Variants in HLCS observed in about 807,000 individuals in gnomAD.
The protein encoded by HLCS is biotin--protein ligase.
In HLCS, 53 loss-of-function variants were observed where a neutral mutation model predicts 75.0. The ratio of observed to expected loss-of-function variants is 0.71; its 90% CI spans 0.57 to 0.89. The LOEUF is 0.89. HLCS is among the 40% of genes least tolerant of loss of function. The pLI is 0.00. For missense variants in HLCS, 966 were observed against 1,074.0 expected (o/e 0.90, Z 1.41); for synonymous variants, 431 against 428.6 (o/e 1.01, Z -0.07).
intron 6 of HLCS, among the ~76,000 whole-genome samples, chr21:36,838,012 G>A (rs2062473567): frequency 1.3e-5 from 2 of 152,012 alleles, no homozygotes; most frequent in Non-Finnish European, 2.9e-5. Flanking sequence ...TAAGTAAAAG[G>A]GAAATCCAGG....
chr21:36,802,185 GCCACAGGCCT>G (rs1399719448), intron 6 of HLCS, among the ~76,000 whole-genome samples: 3 of 152,268 alleles, frequency 2.0e-5, no homozygotes, highest in Admixed American at 6.5e-5. Context: ...GTGACTGAGG[GCCACAGGCCT>G]CTTGCAACTT....
At chr21:36,766,903 C>T (rs1352206972) in intron 7 of HLCS, among the ~76,000 whole-genome samples, 1 of 152,172 alleles carries the variant, frequency 6.6e-6, no homozygotes, top group African/African-American at 2.4e-5. Flanking sequence ...GGAAAATAAA[C>T]GTCTCTAGAG....
intron 6 of HLCS, among the ~76,000 whole-genome samples, chr21:36,823,645 G>GTGTGTGTGTGTGTA (rs1347977458): frequency 2.2e-4 from 34 of 151,418 alleles, no homozygotes; most frequent in African/African-American, 7.3e-4. Flanking sequence ...GTGTGTGTGT[G>GTGTGTGTGTGTGTA]TGTACACATG....
intron 6 of HLCS, among the ~76,000 whole-genome samples, chr21:36,810,717 G>GT (rs2061487522): frequency 6.6e-6 from 1 of 152,166 alleles, no homozygotes; most frequent in South Asian, 2.1e-4. Flanking sequence ...CCAGACCTTT[G>GT]TATCTAAATA....
upstream of HLCS, among the ~76,000 whole-genome samples, chr21:36,966,860 C>T (rs1224024795): frequency 1.4e-5 from 2 of 145,872 alleles, no homozygotes; most frequent in African/African-American, 5.1e-5. Flanking sequence ...TGATGGGGAG[C>T]TCCGGAGGCC....
At chr21:36,958,299 C>T (rs1014852958) in intron 2 of HLCS, among the ~76,000 whole-genome samples, 2 of 151,416 alleles carry the variant, frequency 1.3e-5, no homozygotes, top group African/African-American at 4.8e-5. Flanking sequence ...TTCACCAAAA[C>T]CGTCGTATCA....
Position 36,821,011 on chromosome 21 carries a change from G to A in HLCS, c.1893-53726C>T, listed in dbSNP as rs372032103. Among the ~76,000 whole-genome samples the A allele has an allele frequency of 1.1e-4, 17 of 152,278 alleles. No individual in the cohort carries two copies. In the South Asian group the frequency reaches 2.1e-3, roughly 19 times the overall value. Reference sequence around the variant, plus strand: ...TAGCGCCTGGGACGTGAGGGTGCCCGGCAAGAGGGTGTAAAAAGACAAACC... The same window carrying A: ...TAGCGCCTGGGACGTGAGGGTGCCCAGCAAGAGGGTGTAAAAAGACAAACC... On this transcript the variant is annotated intron_variant, in intron 6 of 10. Transcript: ENST00000674895.
chr21:36,776,104 A>G (rs2060349919), intron 6 of HLCS, among the ~76,000 whole-genome samples: 1 of 152,232 alleles, frequency 6.6e-6, no homozygotes, highest in Non-Finnish European at 1.5e-5. Context: ...TAAGGTCTAT[A>G]ATACTTTTTT....
chr21:36,960,608 G>T (rs1019006903), intron 2 of HLCS, among the ~76,000 whole-genome samples: 1 of 152,182 alleles, frequency 6.6e-6, no homozygotes, highest in Non-Finnish European at 1.5e-5. Context: ...CTGAATTCCA[G>T]TCAATTACTT....
At chr21:36,884,463 T>C (rs1303376184) in intron 6 of HLCS, among the ~76,000 whole-genome samples, 2 of 152,362 alleles carry the variant, frequency 1.3e-5, no homozygotes, top group South Asian at 4.1e-4. Flanking sequence ...CTCAGGCTGG[T>C]TATTCCAAGG....
intron 4 of HLCS, among the ~76,000 whole-genome samples, chr21:36,933,585 T>C (rs2066745777): frequency 6.9e-6 from 1 of 145,418 alleles, no homozygotes; most frequent in African/African-American, 2.5e-5. Context: ...ATCTGTATCC[T>C]ACTCAGTGCA....
chr21:36,867,713 A>G (rs974361343), intron 6 of HLCS, among the ~76,000 whole-genome samples: 5 of 152,254 alleles, frequency 3.3e-5, no homozygotes, highest in African/African-American at 7.2e-5. Context: ...CTGCAGCCCA[A>G]TGACCTACAT....
At chr21:36,916,518 A>T (rs553153843) in intron 5 of HLCS, among the ~76,000 whole-genome samples, 1,185 of 92,980 alleles carry the variant, frequency 0.013, 17 homozygotes, top group Middle Eastern at 0.023. Context: ...TGCCTAGCTA[A>T]TTTTTTTTTT....
At chr21:36,977,649 G>T (rs1003033338) in intron 1 of HLCS, among the ~76,000 whole-genome samples, 1 of 152,234 alleles carries the variant, frequency 6.6e-6, no homozygotes, top group Non-Finnish European at 1.5e-5. Context: ...TTTGTGTAGT[G>T]AAGCAATAGA....
At chr21:36,848,107 T>G (rs887871784) in intron 6 of HLCS, among the ~76,000 whole-genome samples, 1 of 152,184 alleles carries the variant, frequency 6.6e-6, no homozygotes, top group East Asian at 1.9e-4. Context: ...AAACTTTGCA[T>G]CACTTCATCT....
intron 2 of HLCS, among the ~76,000 whole-genome samples, chr21:36,949,618 T>C (rs774216658): frequency 3.3e-5 from 5 of 152,196 alleles, no homozygotes; most frequent in African/African-American, 7.2e-5. Flanking sequence ...CACCTCTCAA[T>C]AGGAGGAAAG....
intron 4 of HLCS, among the ~76,000 whole-genome samples, chr21:36,931,283 C>CAAAAAAAAA (rs57829948): frequency 4.0e-5 from 3 of 75,472 alleles, no homozygotes; most frequent in Non-Finnish European, 7.4e-5. Flanking sequence ...AACTCCATCG[C>CAAAAAAAAA]AAAAAAAAAA....
intron 6 of HLCS, among the ~76,000 whole-genome samples, chr21:36,806,782 A>G (rs1224748405): frequency 1.3e-5 from 2 of 152,202 alleles, no homozygotes; most frequent in Non-Finnish European, 2.9e-5. Context: ...GCAGCCCGAG[A>G]CAACTTAAGA....
chr21:36,821,745 C>T (rs1271869397), intron 6 of HLCS, among the ~76,000 whole-genome samples: 1 of 152,098 alleles, frequency 6.6e-6, no homozygotes, highest in Non-Finnish European at 1.5e-5. Flanking sequence ...AGACTTGTTG[C>T]TGAGTTTTCA....
Sources: allele counts gnomAD v4.1 joint callset (sites outside exome capture counted in the v4.1 genomes callset), GRCh38; gene constraint gnomAD v4.1.1; transcripts MANE v1.5; gene names NCBI Gene and HGNC (gene_info 2026-07-23, HGNC 2026-07-21).